FRMD6: variants seen among roughly 807,000 people sequenced by gnomAD.
FRMD6 encodes the protein FERM domain containing 6, also known as FERM domain-containing protein 6.
A neutral mutation model predicts 73.2 loss-of-function variants in FRMD6; 37 were observed. The ratio of observed to expected loss-of-function variants is 0.51; its 90% CI spans 0.39 to 0.66. The LOEUF is 0.66. Ranked by LOEUF, FRMD6 falls within the 30% of genes least tolerant of loss-of-function variation. FRMD6 has a pLI of 0.00. For missense variants in FRMD6, 714 were observed against 780.5 expected (o/e 0.91, Z 1.02); for synonymous variants, 273 against 282.2 (o/e 0.97, Z 0.33).
chr14:51,444,908 T>C, the FRMD6 span, among the ~76,000 whole-genome samples: 1 of 152,164 alleles, frequency 6.6e-6, no homozygotes, highest in Non-Finnish European at 1.5e-5. Flanking sequence ...CTGTTCCTTT[T>C]AAGTTCTTCC....
chr14:51,432,034 G>C, the FRMD6 span, among the ~76,000 whole-genome samples: 22 of 152,216 alleles, frequency 1.4e-4, no homozygotes, highest in South Asian at 8.3e-4. Flanking sequence ...ATTTGATAAT[G>C]GTACTAAATT....
chr14:51,667,146 G>T (rs1349543436), intron 1 of FRMD6, among the ~76,000 whole-genome samples: 1 of 146,578 alleles, frequency 6.8e-6, no homozygotes, highest in Admixed American at 6.8e-5. Context: ...CTGTCTCAAA[G>T]AAAAAAAAAA....
At chr14:51,469,148 G>C in the FRMD6 span, among the ~76,000 whole-genome samples, 2 of 151,762 alleles carry the variant, frequency 1.3e-5, no homozygotes, top group Non-Finnish European at 2.9e-5. Context: ...CACCGTGTTA[G>C]CCAGGATAGT....
the FRMD6 span, among the ~76,000 whole-genome samples, chr14:51,407,878 TA>T: frequency 8.4e-4 from 128 of 152,322 alleles, no homozygotes; most frequent in African/African-American, 2.9e-3. Context: ...ATAAATGCTT[TA>T]TATATGCTTT....
chr14:51,466,922 C>T, the FRMD6 span, among the ~76,000 whole-genome samples: 123,765 of 152,136 alleles, frequency 0.81, 50,595 homozygotes, highest in African/African-American at 0.88. Context: ...CCATGATTTG[C>T]AGCTTTTAGT....
intron 2 of FRMD6, among the ~76,000 whole-genome samples, chr14:51,640,198 A>C (rs558649327): frequency 6.6e-6 from 1 of 152,370 alleles, no homozygotes; most frequent in African/African-American, 2.4e-5. Context: ...TATTGTGACA[A>C]AAAGATTACT....
At chr14:51,623,385 C>A (rs1170576293) in intron 2 of FRMD6, among the ~76,000 whole-genome samples, 3 of 152,116 alleles carry the variant, frequency 2.0e-5, no homozygotes, top group African/African-American at 7.2e-5. Flanking sequence ...AAATGGGATC[C>A]TGAATGCCAC....
At chr14:51,482,864 C>T in the FRMD6 span, among the ~76,000 whole-genome samples, 4 of 151,926 alleles carry the variant, frequency 2.6e-5, no homozygotes, top group Non-Finnish European at 5.9e-5. Flanking sequence ...CCACACCTGG[C>T]GAATTTTTTG....
chr14:51,708,487 T>A, intron 7 of FRMD6: 1 of 319,632 alleles, frequency 3.1e-6, no homozygotes, highest in East Asian at 5.9e-5. Context: ...GGCTATAAGA[T>A]GTTAATCTGA....
intron 2 of FRMD6, among the ~76,000 whole-genome samples, chr14:51,636,933 G>T (rs965368804): frequency 6.6e-6 from 1 of 152,204 alleles, no homozygotes; most frequent in Non-Finnish European, 1.5e-5. Flanking sequence ...TAAGTAAATA[G>T]TAATTGTAGG....
chr14:51,455,265 A>G, the FRMD6 span, among the ~76,000 whole-genome samples: 2 of 152,232 alleles, frequency 1.3e-5, no homozygotes, highest in Non-Finnish European at 2.9e-5. Flanking sequence ...ATACTAATTC[A>G]CATCCCAAGA....
chr14:51,666,591 T>G (rs944590543), intron 1 of FRMD6, among the ~76,000 whole-genome samples: 1 of 152,166 alleles, frequency 6.6e-6, no homozygotes, highest in Non-Finnish European at 1.5e-5. Context: ...TTCCTTAACT[T>G]TCTCATATAT....
intron 1 of FRMD6, among the ~76,000 whole-genome samples, chr14:51,671,765 A>G (rs1250180021): frequency 6.6e-6 from 1 of 152,206 alleles, no homozygotes; most frequent in Non-Finnish European, 1.5e-5. Context: ...GAGACTAGCA[A>G]ATGTTAAAGA....
upstream of FRMD6, among the ~76,000 whole-genome samples, chr14:51,484,808 A>G (rs956081626): frequency 2.0e-5 from 3 of 152,158 alleles, no homozygotes; most frequent in Non-Finnish European, 4.4e-5. Context: ...CACATCTCCC[A>G]CTTCCTATCC....
intron 1 of FRMD6, among the ~76,000 whole-genome samples, chr14:51,672,578 GTAT>G (rs886362575): frequency 6.6e-6 from 1 of 152,100 alleles, no homozygotes; most frequent in Non-Finnish European, 1.5e-5. Context: ...TAGGTGGCTG[GTAT>G]TATTATAAAA....
chr14:51,665,155 A>AC (rs1457241727), intron 1 of FRMD6, among the ~76,000 whole-genome samples: 1 of 152,238 alleles, frequency 6.6e-6, no homozygotes, highest in African/African-American at 2.4e-5. Flanking sequence ...GAGAAATTTT[A>AC]CATTAAAAAA....
intron 2 of FRMD6, among the ~76,000 whole-genome samples, chr14:51,640,375 C>A (rs756293169): frequency 2.6e-5 from 4 of 152,150 alleles, no homozygotes; most frequent in Non-Finnish European, 4.4e-5. Flanking sequence ...ATCAACAGGG[C>A]AACTACCTGT....
intron 1 of FRMD6, among the ~76,000 whole-genome samples, chr14:51,669,061 C>G (rs1414150383): frequency 1.3e-5 from 2 of 152,170 alleles, no homozygotes; most frequent in African/African-American, 4.8e-5. Flanking sequence ...ATGTATATAT[C>G]ATCATGTAAC....
intron 2 of FRMD6, among the ~76,000 whole-genome samples, chr14:51,610,092 A>G (rs1173278478): frequency 1.3e-5 from 2 of 152,072 alleles, no homozygotes; most frequent in African/African-American, 4.8e-5. Flanking sequence ...TTTGTGGTGG[A>G]CAGTTCTGTA....
Sources: gnomAD v4.1 joint callset for allele counts (sites outside exome capture counted in the v4.1 genomes callset) on GRCh38, gnomAD v4.1.1 for gene constraint, MANE v1.5 for transcripts, NCBI Gene and HGNC (gene_info 2026-07-23, HGNC 2026-07-21) for gene names.